The following SEPTIN9 variants were observed in gnomAD, a reference collection of about 807,000 sequenced individuals.
SEPTIN9 encodes the protein septin 9, also known as septin-9.
SEPTIN9 carries 13 observed loss-of-function variants against 56.6 expected under a neutral mutation model. The ratio of observed to expected loss-of-function variants is 0.23; its 90% CI spans 0.15 to 0.37. The LOEUF (loss-of-function observed/expected upper bound fraction) is 0.37. SEPTIN9 is among the 10% of genes least tolerant of loss of function. The pLI is 1.00. For synonymous variants in SEPTIN9, 332 were observed against 334.1 expected, an observed-to-expected ratio of 0.99 and a Z score of 0.07; for missense variants, 650 against 823.1, an observed-to-expected ratio of 0.79 and a Z score of 2.57.
intron 10 of SEPTIN9, chr17:77,493,289 C>G (rs376069510): frequency 7.0e-6 from 4 of 570,970 alleles, no homozygotes; most frequent in African/African-American, 1.9e-5. Context: ...CAGACCTCCC[C>G]CCGGGCAGGG....
intron 2 of SEPTIN9, among the ~76,000 whole-genome samples, chr17:77,308,375 C>T (rs936815994): frequency 4.6e-5 from 7 of 152,330 alleles, no homozygotes; most frequent in South Asian, 2.1e-4. Context: ...AAGGCGCCTA[C>T]GGGGGCAAGG....
chr17:77,383,078 A>G (rs2035202844), intron 2 of SEPTIN9, among the ~76,000 whole-genome samples: 1 of 152,016 alleles, frequency 6.6e-6, no homozygotes, highest in African/African-American at 2.4e-5. Flanking sequence ...TTAAATGATG[A>G]AGCAGGCTCC....
At chr17:77,426,239 A>C (rs924010471) in intron 3 of SEPTIN9, among the ~76,000 whole-genome samples, 1 of 151,854 alleles carries the variant, frequency 6.6e-6, no homozygotes, top group Non-Finnish European at 1.5e-5. Context: ...CCTGTCCTAC[A>C]CAGTCCCCTG....
At chr17:77,457,597 A>C (rs1336729635) in intron 3 of SEPTIN9, among the ~76,000 whole-genome samples, 7 of 152,216 alleles carry the variant, frequency 4.6e-5, no homozygotes, top group Admixed American at 4.6e-4. Context: ...CCAAGAGTGG[A>C]GAAAAGGCAA....
chr17:77,406,858 A>G (rs1272475448), intron 3 of SEPTIN9, among the ~76,000 whole-genome samples: 3 of 151,890 alleles, frequency 2.0e-5, no homozygotes, highest in Non-Finnish European at 4.4e-5. Flanking sequence ...TTTAGTAGAG[A>G]CGGGGTTTCA....
At chr17:77,419,448 T>C (rs2036619017) in intron 3 of SEPTIN9, among the ~76,000 whole-genome samples, 1 of 151,970 alleles carries the variant, frequency 6.6e-6, no homozygotes, top group African/African-American at 2.4e-5. Context: ...GGTGGTCTGT[T>C]GCCCAGCCCA....
chr17:77,498,703 C>A lies in SEPTIN9; in HGVS notation c.*45C>A, dbSNP rs756589796. 8.8e-7 allele frequency: 1 copy of A among 1,138,558 alleles called. No homozygotes were observed. The highest frequency in any genetic ancestry group is 1.2e-6 in the Non-Finnish European group (1 of 841,696). 70.5% of individuals were successfully genotyped at this position (1,138,558 alleles called of 1,614,324 possible). The stretch of plus-strand genomic sequence containing the variant: ...CGGGATCCTGCCCCCAAGTCATTTC[C>A]GTCCCCCCCCAGGCCCTCCCACCAC... On this transcript the variant is annotated 3_prime_UTR_variant, in exon 12 of 12. Coordinates refer to ENST00000427177, the MANE Select transcript of SEPTIN9 (RefSeq NM_001113491.2).
chr17:77,351,535 G>A (rs932414840), intron 2 of SEPTIN9, among the ~76,000 whole-genome samples: 2 of 152,162 alleles, frequency 1.3e-5, no homozygotes, highest in African/African-American at 2.4e-5. Context: ...GGTCACGGGC[G>A]GCCACACTCA....
rs940186236 is a variant in SEPTIN9, at chr17:77,369,859, G to A, written c.77-32200G>A. Among the ~76,000 whole-genome samples the A allele has an allele frequency of 9.9e-5, 15 of 152,180 alleles. No homozygotes were observed. Among genetic ancestry groups the A allele is most frequent in the African/African-American group, 3.4e-4 (14 of 41,444 alleles). On this transcript the variant is annotated intron_variant, in intron 2 of 11. Coordinates refer to ENST00000427177, the MANE Select transcript of SEPTIN9 (RefSeq NM_001113491.2). The surrounding 1 kb of genome is among the most constrained non-coding windows in gnomAD (Gnocchi z 4.9). Reference sequence around the variant, plus strand: ...TGTGTGCGCCAAACGCTGCTTCCTCGTGGATTTCCTCCCCACTCCGTTCCC... The same window carrying A: ...TGTGTGCGCCAAACGCTGCTTCCTCATGGATTTCCTCCCCACTCCGTTCCC...
In SEPTIN9 at chr17:77,434,765, G is replaced by A. The variant is rs2037277800; in HGVS notation, c.721+32062G>A. 6.6e-6 allele frequency among the ~76,000 whole-genome samples: 1 copy of A among 152,230 alleles called. No homozygotes were observed. Among genetic ancestry groups the A allele is most frequent in the African/African-American group, 2.4e-5 (1 of 41,466 alleles). ...GGGTGTGATGAAGGCAAGGACCGGT[G>A]GCTCACCCCTCTTGCACCTGGACCT... On this transcript the variant is annotated intron_variant, in intron 3 of 11. Coordinates refer to ENST00000427177, the MANE Select transcript of SEPTIN9 (RefSeq NM_001113491.2). This position sits in a 1 kb window ranked among gnomAD's most constrained non-coding sequence, Gnocchi z 5.0.
chr17:77,445,283 C>G lies in SEPTIN9; in HGVS notation c.722-36861C>G, dbSNP rs1047598237. 1 of 467,886 alleles carries G rather than the reference C, an allele frequency of 2.1e-6. No individual in the cohort carries two copies. The highest frequency in any genetic ancestry group is 2.0e-5 in the African/African-American group (1 of 50,080). 29.0% of individuals were successfully genotyped at this position (467,886 alleles called of 1,614,324 possible). On this transcript the variant is annotated intron_variant, in intron 3 of 11. Coordinates refer to ENST00000427177, the MANE Select transcript of SEPTIN9 (RefSeq NM_001113491.2). This position sits in a 1 kb window ranked among gnomAD's most constrained non-coding sequence, Gnocchi z 4.7. Reference sequence around the variant, plus strand: ...CACATTCCTGCTCCCCAGCCCTTTCCTCCGCACCCCCATGCAGAAGCGCGG... The same window carrying G: ...CACATTCCTGCTCCCCAGCCCTTTCGTCCGCACCCCCATGCAGAAGCGCGG...
At chr17:77,296,405 A>G (rs1312758566) in intron 1 of SEPTIN9, among the ~76,000 whole-genome samples, 1 of 152,094 alleles carries the variant, frequency 6.6e-6, no homozygotes, top group African/African-American at 2.4e-5. Context: ...AGGCAGACAC[A>G]GACAGACAGG....
chr17:77,428,841 C>T, intron 3 of SEPTIN9: 1 of 385,074 alleles, frequency 2.6e-6, no homozygotes, highest in Non-Finnish European at 5.4e-6. Flanking sequence ...GTTAGAGCCA[C>T]CCATGGGTTC....
chr17:77,344,682 G>A (rs993914379), intron 2 of SEPTIN9, among the ~76,000 whole-genome samples: 2 of 152,168 alleles, frequency 1.3e-5, no homozygotes, highest in Non-Finnish European at 2.9e-5. Context: ...CCTTAAAAAG[G>A]AAGGAGAGGC....
Position 77,476,693 on chromosome 17 carries a change from T to G in SEPTIN9, c.722-5451T>G, listed in dbSNP as rs1431137255. 3.3e-5 allele frequency among the ~76,000 whole-genome samples: 5 copies of G among 152,182 alleles called. No homozygotes were observed. Among genetic ancestry groups the G allele is most frequent in the Non-Finnish European group, 1.5e-5 (1 of 68,024 alleles). On this transcript the variant is annotated intron_variant, in intron 3 of 11. Coordinates refer to ENST00000427177, the MANE Select transcript of SEPTIN9 (RefSeq NM_001113491.2). The surrounding 1 kb of genome is among the most constrained non-coding windows in gnomAD (Gnocchi z 6.0). Reference sequence around the variant, plus strand: ...AGGGGCCCTGGCATAAGGCCTGGGTTCAGAATGGGAACCTGCAGAGAAACT... The same window carrying G: ...AGGGGCCCTGGCATAAGGCCTGGGTGCAGAATGGGAACCTGCAGAGAAACT...
Position 77,307,201 on chromosome 17 carries a change from G to A in SEPTIN9, c.76+4G>A. On this transcript the variant is annotated splice_donor_region_variant and intron_variant, in intron 2 of 11. Transcript: ENST00000427177. The stretch of plus-strand genomic sequence containing the variant: ...CTTGGTGACTCCAGTGGCCCAGGTA[G>A]GTGGCTCGCTCCGCTCTGGCCCCAC... 3 of 1,613,594 alleles carry A rather than the reference G, an allele frequency of 1.9e-6. No homozygotes were observed. The highest frequency in any genetic ancestry group is 2.5e-6 in the Non-Finnish European group (3 of 1,179,696).
At chr17:77,348,182 A>G (rs2033944322) in intron 2 of SEPTIN9, among the ~76,000 whole-genome samples, 1 of 151,398 alleles carries the variant, frequency 6.6e-6, no homozygotes, top group Non-Finnish European at 1.5e-5. Flanking sequence ...AGTTATAGAT[A>G]TGACTGGGTT....
At chr17:77,493,898 G>A (rs1257479661) in intron 10 of SEPTIN9, among the ~76,000 whole-genome samples, 14 of 151,572 alleles carry the variant, frequency 9.2e-5, no homozygotes, top group African/African-American at 3.4e-4. Flanking sequence ...TCAGCCTCCC[G>A]AGTATCTGGG....
chr17:77,368,303 T>G (rs1445733176), intron 2 of SEPTIN9, among the ~76,000 whole-genome samples: 2 of 150,370 alleles, frequency 1.3e-5, no homozygotes, highest in Non-Finnish European at 3.0e-5. Flanking sequence ...TAAATTTGTC[T>G]TTTTTGTTTT....
Sources: allele counts gnomAD v4.1 joint callset (sites outside exome capture counted in the v4.1 genomes callset), GRCh38; gene constraint gnomAD v4.1.1; non-coding constraint Gnocchi (gnomAD v3.1); transcripts MANE v1.5; gene names NCBI Gene and HGNC (gene_info 2026-07-23, HGNC 2026-07-21).